Variants in CDH7 observed in about 807,000 individuals in gnomAD.
The protein encoded by CDH7 is cadherin-7.
In CDH7, 25 loss-of-function variants were observed where a neutral mutation model predicts 71.8. The observed-to-expected ratio is 0.35, with a 90% CI of 0.25 to 0.49. The LOEUF (loss-of-function observed/expected upper bound fraction) is 0.49. CDH7 is among the 20% of genes least tolerant of loss of function. CDH7 has a pLI of 0.99. For synonymous variants in CDH7, 381 were observed against 363.8 expected (o/e 1.05, Z -0.54); for missense variants, 862 against 974.6 (o/e 0.88, Z 1.54).
intron 6 of CDH7, among the ~76,000 whole-genome samples, chr18:65,826,330 G>A (rs963654792): frequency 6.6e-6 from 1 of 150,808 alleles, no homozygotes; most frequent in Non-Finnish European, 1.5e-5. Context: ...TAACTTAAAG[G>A]CTTTATTTTA....
Position 65,785,992 on chromosome 18 carries a change from C to T in CDH7, c.210+22940C>T, listed in dbSNP as rs76360726. Among the ~76,000 whole-genome samples, 1,110 of 152,242 alleles carry T rather than the reference C, an allele frequency of 7.3e-3. 2 individuals carry two copies. Among genetic ancestry groups the T allele is most frequent in the Non-Finnish European group, 0.012 (845 of 68,012 alleles). ...GTGTTGATTGCACCTGCGTGTTTCC[C>T]GTACATTAGCATGCAGCTTTTGGTT... On this transcript the variant is annotated intron_variant, in intron 2 of 11. Coordinates refer to ENST00000397968, the MANE Select transcript of CDH7 (RefSeq NM_004361.5).
rs1914386010 is a variant in CDH7, at chr18:65,886,868, C to T, written c.*5974C>T. On this transcript the variant is annotated 3_prime_UTR_variant, in exon 12 of 12. Transcript: ENST00000397968. ...TCTTAATCTCTTACGAATGAAGAAA[C>T]TCTAGGAAACTAAAAAATAATATAT... 6.6e-6 allele frequency: 1 copy of T among 152,066 alleles called. No homozygotes were observed. The highest frequency in any genetic ancestry group is 2.1e-4 in the South Asian group (1 of 4,824). The allele number at this position is 152,066 out of a possible 1,614,324, so 9.4% of individuals were successfully genotyped here.
At position 65,773,764 on chromosome 18, in the gene CDH7, G is replaced by A. The variant is rs140371132; in HGVS notation, c.210+10712G>A. Among the ~76,000 whole-genome samples, 44 of 152,166 alleles carry A rather than the reference G, an allele frequency of 2.9e-4. 1 individual carries two copies. Among genetic ancestry groups the A allele is most frequent in the African/African-American group, 8.7e-4 (36 of 41,532 alleles). On this transcript the variant is annotated intron_variant, in intron 2 of 11. Transcript: ENST00000397968. ...GAAAGGGATTGTGTCCAATCCAAGC[G>A]TAATATCTGTATGTTCTCAGTGGAT...
intron 2 of CDH7, among the ~76,000 whole-genome samples, chr18:65,798,504 C>T (rs992503258): frequency 2.6e-5 from 4 of 152,162 alleles, no homozygotes; most frequent in Admixed American, 6.5e-5. Context: ...GGTCAGGTTG[C>T]ATAAGAAACA....
intron 2 of CDH7, among the ~76,000 whole-genome samples, chr18:65,792,021 C>T (rs528323035): frequency 3.9e-5 from 6 of 151,958 alleles, no homozygotes; most frequent in South Asian, 2.1e-4. Flanking sequence ...TTATACTGTA[C>T]GCAGACATTA....
At chr18:65,780,785 C>A (rs865896099) in intron 2 of CDH7, among the ~76,000 whole-genome samples, 3 of 151,866 alleles carry the variant, frequency 2.0e-5, no homozygotes, top group South Asian at 2.1e-4. Flanking sequence ...CTTGGCAATG[C>A]GGGCTCTTTT....
intron 2 of CDH7, chr18:65,803,376 G>T (rs1266024509): frequency 6.6e-6 from 1 of 152,090 alleles, no homozygotes; most frequent in African/African-American, 2.4e-5. Context: ...TAAAAGAAAT[G>T]ATATTTAGGG....
At chr18:65,808,028 C>T (rs1911388892) in intron 2 of CDH7, among the ~76,000 whole-genome samples, 1 of 152,180 alleles carries the variant, frequency 6.6e-6, no homozygotes, top group Admixed American at 6.5e-5. Context: ...AATCCTGGAT[C>T]TGCCAGAGAG....
At chr18:65,858,847 C>A in intron 8 of CDH7, 78 bp from the exon 9 acceptor site, 1 of 1,407,862 alleles carries the variant, frequency 7.1e-7, no homozygotes, top group South Asian at 1.2e-5. Flanking sequence ...ATTTCATTCT[C>A]AGCTTCGTCA....
intron 2 of CDH7, among the ~76,000 whole-genome samples, chr18:65,771,285 G>A (rs570258143): frequency 1.9e-4 from 29 of 152,090 alleles, no homozygotes; most frequent in African/African-American, 6.5e-4. Flanking sequence ...AGTAATTGTT[G>A]ACAATAATAA....
intron 6 of CDH7, among the ~76,000 whole-genome samples, chr18:65,837,833 G>A (rs1285782227): frequency 6.6e-6 from 1 of 151,976 alleles, no homozygotes; most frequent in East Asian, 1.9e-4. Context: ...ATATTTAAAT[G>A]TACAGAATTA....
At chr18:65,811,287 T>C (rs1430589902) in intron 3 of CDH7, among the ~76,000 whole-genome samples, 1 of 152,054 alleles carries the variant, frequency 6.6e-6, no homozygotes, top group Non-Finnish European at 1.5e-5. Context: ...TGTGTGCTCT[T>C]AAGGGGATCA....
intron 1 of CDH7, among the ~76,000 whole-genome samples, chr18:65,762,273 A>C (rs1438429760): frequency 6.6e-6 from 1 of 152,218 alleles, no homozygotes; most frequent in African/African-American, 2.4e-5. Flanking sequence ...CCAACGAATG[A>C]AAATCACTGT....
At chr18:65,804,838 T>C (rs1256055092) in intron 2 of CDH7, among the ~76,000 whole-genome samples, 1 of 152,082 alleles carries the variant, frequency 6.6e-6, no homozygotes, top group African/African-American at 2.4e-5. Flanking sequence ...AACATAAACA[T>C]GTAAGTGTGA....
intron 2 of CDH7, among the ~76,000 whole-genome samples, chr18:65,765,393 A>G (rs1916323890): frequency 6.6e-6 from 1 of 152,006 alleles, no homozygotes; most frequent in Non-Finnish European, 1.5e-5. Flanking sequence ...AAGCAGAGAT[A>G]TAACAATAAC....
In CDH7 at chr18:65,869,545, A is replaced by ATTTTTTTTTT. The variant is rs10696115; in HGVS notation, c.1864+6644_1864+6653dup. 3.3e-3 allele frequency among the ~76,000 whole-genome samples: 306 copies of ATTTTTTTTTT among 91,364 alleles called. 1 individual carries two copies. Among genetic ancestry groups the ATTTTTTTTTT allele is most frequent in the East Asian group, 5.5e-3 (14 of 2,526 alleles). The allele number at this position is 91,364 out of a possible 152,430, so 59.9% of individuals were successfully genotyped here. A position where few individuals can be genotyped will look rare whatever the true frequency, so the allele number is the denominator to read the frequency against. ...CTTCCCATAATCTACAAGTGGGTCA[A>ATTTTTTTTTT]TTTTTTTTTTTTTTTTTTTTTTTTT... On this transcript the variant is annotated intron_variant, in intron 11 of 11. Transcript: ENST00000397968.
Position 65,781,872 on chromosome 18 carries a change from C to CTT in CDH7, c.210+18821_210+18822insTT, listed in dbSNP as rs1568181763. On this transcript the variant is annotated intron_variant, in intron 2 of 11. Coordinates refer to ENST00000397968, the MANE Select transcript of CDH7 (RefSeq NM_004361.5). ...TTTCTTTCTTTCTTTCTTTCTCTCT[C>CTT]TCTCTCTGTCTCTCTCTCTCTTTCT... 8.4e-4 allele frequency among the ~76,000 whole-genome samples: 68 copies of CTT among 80,962 alleles called. 2 individuals are homozygous for CTT. The highest frequency in any genetic ancestry group is 3.2e-3 in the African/African-American group (60 of 18,530). The allele number at this position is 80,962 out of a possible 152,430, so 53.1% of individuals were successfully genotyped here. A position where few individuals can be genotyped will look rare whatever the true frequency, so the allele number is the denominator to read the frequency against.
rs1002763724 is a variant in CDH7, at chr18:65,890,230, C to A, written c.*9336C>A. ...CCAATATTGTTATAAATTTATGAAG[C>A]TTCAATTCTAGCAAAAATAAACTAT... On this transcript the variant is annotated 3_prime_UTR_variant, in exon 12 of 12. Coordinates refer to ENST00000397968, the MANE Select transcript of CDH7 (RefSeq NM_004361.5). 2.0e-5 allele frequency: 3 copies of A among 152,148 alleles called. No homozygotes were observed. Among genetic ancestry groups the A allele is most frequent in the African/African-American group, 4.8e-5 (2 of 41,440 alleles). The allele number at this position is 152,148 out of a possible 1,614,324, so 9.4% of individuals were successfully genotyped here.
At chr18:65,803,977 C>T (rs766364519) in intron 2 of CDH7, among the ~76,000 whole-genome samples, 17 of 151,666 alleles carry the variant, frequency 1.1e-4, no homozygotes, top group African/African-American at 1.9e-4. Context: ...CTTATTCCAA[C>T]GTTCATTTTA....
Sources: allele counts gnomAD v4.1 joint callset (sites outside exome capture counted in the v4.1 genomes callset), GRCh38; gene constraint gnomAD v4.1.1; transcripts MANE v1.5; gene names NCBI Gene and HGNC (gene_info 2026-07-23, HGNC 2026-07-21).